Variants in PEX5L observed in about 807,000 individuals in gnomAD.
PEX5L encodes peroxisomal biogenesis factor 5 like.
Under a neutral mutation model 84.0 loss-of-function variants are expected in PEX5L, and 30 were observed. The ratio of observed to expected loss-of-function variants is 0.36; its 90% CI spans 0.27 to 0.48. The LOEUF (loss-of-function observed/expected upper bound fraction) is 0.48, where lower values mean the gene tolerates loss of function less well. Among genes scored for constraint, PEX5L ranks in the 20% least tolerant of loss-of-function variants. The probability of loss-of-function intolerance (pLI) is 0.99; values close to 1 mark genes in which losing one functional copy is unlikely to be tolerated. For missense variants in PEX5L, 533 were observed against 754.6 expected, an observed-to-expected ratio of 0.71 and a Z score of 3.44; for synonymous variants, 270 against 283.1, an observed-to-expected ratio of 0.95 and a Z score of 0.46.
chr3:179,898,125 C>G lies in PEX5L; in HGVS notation c.198+17G>C, dbSNP rs1247695001. The stretch of plus-strand genomic sequence containing the variant: ...ACATATGTCAGCTTCCTACAGAAAC[C>G]CTATGGGTCTGCCCACCTGTGATGT... On this transcript the variant is annotated intron_variant, in intron 3 of 14. Coordinates refer to ENST00000467460, the MANE Select transcript of PEX5L (RefSeq NM_016559.3). 6.6e-7 allele frequency: 1 copy of G among 1,516,592 alleles called. No individual in the cohort carries two copies. The highest frequency in any genetic ancestry group is 9.2e-7 in the Non-Finnish European group (1 of 1,092,202). 93.9% of individuals were successfully genotyped at this position (1,516,592 alleles called of 1,614,324 possible). A position where few individuals can be genotyped will look rare whatever the true frequency, so the allele number is the denominator to read the frequency against.
intron 1 of PEX5L, among the ~76,000 whole-genome samples, chr3:180,026,841 C>T (rs529966703): frequency 4.6e-5 from 7 of 152,178 alleles, no homozygotes; most frequent in South Asian, 4.1e-4. Context: ...GAACATGTTA[C>T]GGTGGACATT....
At position 179,985,316 on chromosome 3, in the gene PEX5L, G is replaced by A. The variant is rs73883460; in HGVS notation, c.22-13651C>T. Among the ~76,000 whole-genome samples, 204 of 152,278 alleles carry A rather than the reference G, an allele frequency of 1.3e-3. 1 individual carries two copies. Among genetic ancestry groups the A allele is most frequent in the African/African-American group, 4.8e-3 (199 of 41,542 alleles). On this transcript the variant is annotated intron_variant, in intron 1 of 14. Coordinates refer to ENST00000467460, the MANE Select transcript of PEX5L (RefSeq NM_016559.3). ...GCTTCATCCAATTCAAGCATGAAAG[G>A]TCATCTCGGTCACTAAGACAGAAAT... is the stretch of plus-strand genomic sequence containing the variant.
chr3:179,895,921 G>A (rs890373379), intron 3 of PEX5L, among the ~76,000 whole-genome samples: 4 of 152,122 alleles, frequency 2.6e-5, no homozygotes, highest in Non-Finnish European at 5.9e-5. Context: ...TGACATACCA[G>A]TGATGAAGAT....
chr3:179,855,911 C>T (rs1398078315), intron 8 of PEX5L, among the ~76,000 whole-genome samples: 2 of 152,164 alleles, frequency 1.3e-5, no homozygotes, highest in African/African-American at 4.8e-5. Context: ...TATAAATGAC[C>T]ATATCTCAGG....
chr3:180,005,921 T>C (rs532547996), intron 1 of PEX5L, among the ~76,000 whole-genome samples: 3 of 152,324 alleles, frequency 2.0e-5, no homozygotes, highest in East Asian at 3.9e-4. Flanking sequence ...CTTTTCAAAA[T>C]AGAAATTTTT....
rs536525709 is a variant in PEX5L, at chr3:179,977,425, C to T, written c.22-5760G>A. 2.6e-5 allele frequency among the ~76,000 whole-genome samples: 4 copies of T among 152,212 alleles called. No individual in the cohort carries two copies. The South Asian group carries it at 8.3e-4, about 32-fold the overall frequency. ...CTTTGTTTATTGCATTTAATATGCC[C>T]CTTTCCTCTTGACTCTCCCTTATAA... On this transcript the variant is annotated intron_variant, in intron 1 of 14. Transcript: ENST00000467460.
intron 8 of PEX5L, among the ~76,000 whole-genome samples, chr3:179,858,272 C>G (rs1014535758): frequency 6.6e-6 from 1 of 152,150 alleles, no homozygotes; most frequent in Non-Finnish European, 1.5e-5. Context: ...AAGCTCCACA[C>G]TCAAATAGCA....
At chr3:180,014,924 C>A (rs9290689) in intron 1 of PEX5L, among the ~76,000 whole-genome samples, 23,203 of 152,184 alleles carry the variant, frequency 0.15, 2,218 homozygotes, top group African/African-American at 0.27. Context: ...ATGCTTGCTA[C>A]ATGTAAACAT....
chr3:179,823,380 G>T (rs1172718459), intron 8 of PEX5L, among the ~76,000 whole-genome samples: 1 of 152,124 alleles, frequency 6.6e-6, no homozygotes, highest in African/African-American at 2.4e-5. Flanking sequence ...TAGTTCTTGA[G>T]TTATAATGTT....
chr3:179,812,671 A>G (rs1192968809), intron 10 of PEX5L, among the ~76,000 whole-genome samples: 2 of 152,118 alleles, frequency 1.3e-5, no homozygotes, highest in African/African-American at 4.8e-5. Context: ...AGTTTTTAAC[A>G]CAGCAAATTT....
intron 3 of PEX5L, among the ~76,000 whole-genome samples, chr3:179,891,768 T>G (rs1034101574): frequency 6.6e-6 from 1 of 152,156 alleles, no homozygotes; most frequent in Non-Finnish European, 1.5e-5. Flanking sequence ...TTTGCATAGA[T>G]TAAGAATAGC....
intron 11 of PEX5L, among the ~76,000 whole-genome samples, chr3:179,810,731 T>C (rs772036158): frequency 4.6e-5 from 7 of 152,208 alleles, no homozygotes; most frequent in Non-Finnish European, 1.0e-4. Context: ...AGAGAGGTTC[T>C]TAATTCTGGA....
chr3:179,933,897 A>T (rs2109669074), intron 2 of PEX5L, among the ~76,000 whole-genome samples: 1 of 152,304 alleles, frequency 6.6e-6, no homozygotes, highest in South Asian at 2.1e-4. Flanking sequence ...ACTGCTTTAG[A>T]TTGCAGTCTG....
intron 14 of PEX5L, among the ~76,000 whole-genome samples, chr3:179,807,458 G>A (rs4855114): frequency 0.07 from 10,683 of 152,212 alleles, 535 homozygotes; most frequent in Middle Eastern, 0.13. Flanking sequence ...CCCAAGATGC[G>A]GAGCCAACTG....
In PEX5L at chr3:179,795,827, A is replaced by C. The variant is rs111468179; in HGVS notation, c.*6001T>G. 33 of 152,348 alleles carry C rather than the reference A, an allele frequency of 2.2e-4. No homozygotes were observed. The highest frequency in any genetic ancestry group is 7.7e-4 in the African/African-American group (32 of 41,580). The allele number at this position is 152,348 out of a possible 1,614,324, so 9.4% of individuals were successfully genotyped here. A position where few individuals can be genotyped will look rare whatever the true frequency, so the allele number is the denominator to read the frequency against. On this transcript the variant is annotated 3_prime_UTR_variant, in exon 15 of 15. Transcript: ENST00000467460. The stretch of plus-strand genomic sequence containing the variant: ...AAATATGTAGAAATGTCTTTTCTAA[A>C]TAGTTAAATGTTTGTTACAGTTTGT...
intron 3 of PEX5L, among the ~76,000 whole-genome samples, chr3:179,897,547 G>T (rs73060718): frequency 1.1e-4 from 16 of 152,170 alleles, no homozygotes; most frequent in African/African-American, 3.6e-4. Flanking sequence ...TAATAGAGAT[G>T]ACATTTTTGT....
chr3:179,982,859 T>C (rs1374278488), intron 1 of PEX5L, among the ~76,000 whole-genome samples: 1 of 152,076 alleles, frequency 6.6e-6, no homozygotes, highest in Non-Finnish European at 1.5e-5. Flanking sequence ...TAAAATGCCA[T>C]GGATGGTACC....
intron 12 of PEX5L, 69 bp downstream of exon 12, chr3:179,809,402 G>A: frequency 1.7e-6 from 2 of 1,163,210 alleles, no homozygotes; most frequent in Non-Finnish European, 2.6e-6. Flanking sequence ...AGGCTCATTA[G>A]TTGCCCTTTA....
intron 1 of PEX5L, among the ~76,000 whole-genome samples, chr3:179,975,860 T>C (rs1174158539): frequency 2.0e-5 from 3 of 152,148 alleles, no homozygotes; most frequent in Non-Finnish European, 4.4e-5. Flanking sequence ...TGAGTGTCAA[T>C]GAGGAGAAGG....
Sources: gnomAD v4.1 joint callset for allele counts (sites outside exome capture counted in the v4.1 genomes callset) on GRCh38, gnomAD v4.1.1 for gene constraint, MANE v1.5 for transcripts, NCBI Gene and HGNC (gene_info 2026-07-23, HGNC 2026-07-21) for gene names.